Variants in ZNF804B observed in about 807,000 individuals in gnomAD.
The protein encoded by ZNF804B is zinc finger protein 804B.
In ZNF804B, 80 loss-of-function variants were observed where a neutral mutation model predicts 101.4. That is an observed-to-expected ratio of 0.79 (90% CI 0.66 to 0.95). ZNF804B has a LOEUF of 0.95. Among genes scored for constraint, ZNF804B ranks in the 40% least tolerant of loss-of-function variants. ZNF804B has a pLI of 0.00. For synonymous variants in ZNF804B, 622 were observed against 558.8 expected (o/e 1.11, Z -1.59); for missense variants, 1,673 against 1,561.9 (o/e 1.07, Z -1.20).
At chr7:88,924,779 T>C (rs933312873) in intron 1 of ZNF804B, among the ~76,000 whole-genome samples, 4 of 152,206 alleles carry the variant, frequency 2.6e-5, no homozygotes, top group Non-Finnish European at 1.5e-5. Flanking sequence ...TCCTGTGTGC[T>C]ATCACTTATG....
At chr7:88,845,351 A>C (rs1791358304) in intron 1 of ZNF804B, among the ~76,000 whole-genome samples, 1 of 151,760 alleles carries the variant, frequency 6.6e-6, no homozygotes, top group African/African-American at 2.4e-5. Flanking sequence ...AAAATATGCC[A>C]CCTCTTGTCC....
chr7:89,332,920 T>C (rs1489153481), intron 3 of ZNF804B, among the ~76,000 whole-genome samples: 1 of 151,794 alleles, frequency 6.6e-6, no homozygotes, highest in Non-Finnish European at 1.5e-5. Flanking sequence ...CATTATAAAA[T>C]GTTAGAAATA....
At chr7:89,166,155 T>G (rs1268093032) in intron 1 of ZNF804B, among the ~76,000 whole-genome samples, 5 of 152,136 alleles carry the variant, frequency 3.3e-5, no homozygotes, top group Non-Finnish European at 7.4e-5. Context: ...TGCAATTATT[T>G]TATTGAATAT....
At chr7:88,760,139 A>T in intron 1 of ZNF804B, 55 bp downstream of exon 1, 1 of 1,427,316 alleles carries the variant, frequency 7.0e-7, no homozygotes, top group Non-Finnish European at 9.9e-7. Flanking sequence ...CAACACAAAC[A>T]AAAAGATATT....
chr7:88,795,041 T>C, intron 1 of ZNF804B: 1 of 1,027,630 alleles, frequency 9.7e-7, no homozygotes, highest in Non-Finnish European at 1.3e-6. Flanking sequence ...CGTGTTTTTA[T>C]TTCTTCTGAC....
At chr7:88,901,221 C>T (rs114437461) in intron 1 of ZNF804B, among the ~76,000 whole-genome samples, 1 of 151,776 alleles carries the variant, frequency 6.6e-6, no homozygotes, top group Non-Finnish European at 1.5e-5. Flanking sequence ...GTTAGCATTT[C>T]AGTCTAAAAT....
At chr7:89,134,067 G>A (rs114153792) in intron 1 of ZNF804B, among the ~76,000 whole-genome samples, 2,111 of 152,044 alleles carry the variant, frequency 0.014, 41 homozygotes, top group African/African-American at 0.048. Context: ...GGTAAGATTA[G>A]TCACCCAATT....
intron 1 of ZNF804B, among the ~76,000 whole-genome samples, chr7:88,769,931 T>C (rs1790037455): frequency 6.6e-6 from 1 of 152,200 alleles, no homozygotes; most frequent in Admixed American, 6.5e-5. Context: ...ATCTAAAATA[T>C]TTAGTCATCT....
intron 1 of ZNF804B, among the ~76,000 whole-genome samples, chr7:89,174,864 T>G (rs1005645927): frequency 6.6e-6 from 1 of 152,052 alleles, no homozygotes; most frequent in Non-Finnish European, 1.5e-5. Context: ...AGTGCCTTTT[T>G]ACATACCTGT....
intron 1 of ZNF804B, among the ~76,000 whole-genome samples, chr7:89,172,772 T>C (rs1183117831): frequency 6.6e-6 from 1 of 152,184 alleles, no homozygotes; most frequent in Non-Finnish European, 1.5e-5. Context: ...CTCCATCTCA[T>C]TTTGAAGTAA....
intron 1 of ZNF804B, among the ~76,000 whole-genome samples, chr7:89,094,727 A>G (rs545513940): frequency 6.6e-6 from 1 of 152,096 alleles, no homozygotes; most frequent in Admixed American, 6.5e-5. Flanking sequence ...ATTAATTTTC[A>G]GTTAAATTCT....
intron 1 of ZNF804B, among the ~76,000 whole-genome samples, chr7:89,028,602 T>C (rs574913277): frequency 6.6e-6 from 1 of 152,320 alleles, no homozygotes; most frequent in South Asian, 2.1e-4. Context: ...CCTCATTCTC[T>C]GTGATTTCTT....
At chr7:89,186,083 A>G (rs888793018) in intron 1 of ZNF804B, among the ~76,000 whole-genome samples, 7 of 152,062 alleles carry the variant, frequency 4.6e-5, no homozygotes, top group Non-Finnish European at 1.0e-4. Flanking sequence ...TAGGAAGAAA[A>G]ATATGAAAAA....
At chr7:88,844,843 A>G (rs1378502627) in intron 1 of ZNF804B, among the ~76,000 whole-genome samples, 1 of 152,244 alleles carries the variant, frequency 6.6e-6, no homozygotes, top group Non-Finnish European at 1.5e-5. Flanking sequence ...TTTGAGATTT[A>G]TAATAGGATA....
intron 1 of ZNF804B, among the ~76,000 whole-genome samples, chr7:88,960,853 T>C (rs192346645): frequency 6.6e-6 from 1 of 151,498 alleles, no homozygotes; most frequent in East Asian, 2.0e-4. Flanking sequence ...AAATATTTAT[T>C]GAAAAAAAGA....
At chr7:89,226,711 A>C (rs1423981173) in intron 2 of ZNF804B, among the ~76,000 whole-genome samples, 1 of 152,110 alleles carries the variant, frequency 6.6e-6, no homozygotes, top group African/African-American at 2.4e-5. Context: ...TGTGTTGTTA[A>C]ATAAATACTC....
chr7:88,863,156 A>T (rs1441488937), intron 1 of ZNF804B, among the ~76,000 whole-genome samples: 2 of 152,134 alleles, frequency 1.3e-5, no homozygotes, highest in Non-Finnish European at 2.9e-5. Flanking sequence ...CCTGGAATAC[A>T]TCCTATGGCA....
intron 1 of ZNF804B, among the ~76,000 whole-genome samples, chr7:88,943,990 T>C (rs138721042): frequency 6.6e-6 from 1 of 152,018 alleles, no homozygotes; most frequent in African/African-American, 2.4e-5. Context: ...TAAAAATTTA[T>C]CCATTTACAG....
chr7:88,861,761 C>A (rs1335810902), intron 1 of ZNF804B, among the ~76,000 whole-genome samples: 4 of 152,158 alleles, frequency 2.6e-5, no homozygotes. Flanking sequence ...AATAAGATAT[C>A]TTATTCTTAC....
Sources: allele counts gnomAD v4.1 joint callset (sites outside exome capture counted in the v4.1 genomes callset), GRCh38; gene constraint gnomAD v4.1.1; transcripts MANE v1.5; gene names NCBI Gene and HGNC (gene_info 2026-07-23, HGNC 2026-07-21).